DGKA: variants seen among roughly 807,000 people sequenced by gnomAD.
DGKA encodes the protein 80 kDa diacylglycerol kinase.
A neutral mutation model predicts 105.0 loss-of-function variants in DGKA; 35 were observed. The ratio of observed to expected loss-of-function variants is 0.33; its 90% CI spans 0.25 to 0.44. The LOEUF is 0.44. Ranked by LOEUF, DGKA falls within the 20% of genes least tolerant of loss-of-function variation. DGKA has a pLI of 1.00. For synonymous variants in DGKA, 296 were observed against 332.0 expected (o/e 0.89, Z 1.18); for missense variants, 665 against 915.0 (o/e 0.73, Z 3.53).
rs377430512 is a variant in DGKA, at chr12:55,951,835, A to G, written c.1587+52A>G. ...GGGAGAAAGGGGGGGCCAAGCAGTC[A>G]GAGGCTGGAGGAGAGCAGAAAAGGA... On this transcript the variant is annotated intron_variant, in intron 18 of 23. Transcript: ENST00000331886. 102 of 1,597,340 alleles carry G rather than the reference A, an allele frequency of 6.4e-5. No individual in the cohort carries two copies. The African/African-American group carries it at 1.3e-3, about 21-fold the overall frequency.
intron 2 of DGKA, 120 bp downstream of exon 2, chr12:55,936,687 ATGT>A: frequency 7.2e-7 from 1 of 1,379,918 alleles, no homozygotes; most frequent in Non-Finnish European, 1.0e-6. Context: ...TGCTGCTCAG[ATGT>A]GCCCATGACT....
At chr12:55,953,283 A>G (rs1888530199) in intron 22 of DGKA, 67 bp from the exon 23 acceptor site, 1 of 1,612,444 alleles carries the variant, frequency 6.2e-7, no homozygotes, top group African/African-American at 1.3e-5. Flanking sequence ...CTCAAAGCCA[A>G]CCTAAGAAGC....
In DGKA at chr12:55,952,645, T is replaced by G. The variant is rs1437253389; in HGVS notation, c.1744-89T>G. On this transcript the variant is annotated intron_variant, in intron 20 of 23. Transcript: ENST00000331886. The surrounding 1 kb of genome is among the most constrained non-coding windows in gnomAD (Gnocchi z 5.1). ...AAATCCTGCCTTCTCCAGTTTGTCA[T>G]CTGGTGGAGGGAGCGATCACATCTA... is the stretch of plus-strand genomic sequence containing the variant. 5 of 1,468,008 alleles carry G rather than the reference T, an allele frequency of 3.4e-6. No homozygotes were observed. The highest frequency in any genetic ancestry group is 1.4e-5 in the African/African-American group (1 of 71,888). 90.9% of individuals were successfully genotyped at this position (1,468,008 alleles called of 1,614,324 possible).
chr12:55,941,633 A>G (rs770314413), intron 15 of DGKA, 49 bp downstream of exon 15: 8 of 1,573,152 alleles, frequency 5.1e-6, no homozygotes, highest in Non-Finnish European at 7.0e-6. Flanking sequence ...GGGTCTGTGT[A>G]TCTGTATATG....
In DGKA at chr12:55,932,509, TG is replaced by T. The variant is rs770683201; in HGVS notation, c.-82+1168del. 1.4e-6 allele frequency: 1 copy of T among 702,134 alleles called. No individual in the cohort carries two copies. The highest frequency in any genetic ancestry group is 1.5e-5 in the South Asian group (1 of 67,590). 43.5% of individuals were successfully genotyped at this position (702,134 alleles called of 1,614,324 possible). A position where few individuals can be genotyped will look rare whatever the true frequency, so the allele number is the denominator to read the frequency against. On this transcript the variant is annotated intron_variant, in intron 1 of 23. Coordinates refer to ENST00000331886, the MANE Select transcript of DGKA (RefSeq NM_001345.5). This position sits in a 1 kb window ranked among gnomAD's most constrained non-coding sequence, Gnocchi z 4.3. Reference sequence around the variant, plus strand: ...ACCCCATCCTCTCCCCACCTGTCACTGGGAAGTTTCTGAAAATACCTGAGTC... The same window carrying T: ...ACCCCATCCTCTCCCCACCTGTCACTGGAAGTTTCTGAAAATACCTGAGTC...
At chr12:55,949,524 T>A (rs1034144712) in intron 17 of DGKA, among the ~76,000 whole-genome samples, 15 of 152,212 alleles carry the variant, frequency 9.9e-5, no homozygotes, top group African/African-American at 3.6e-4. Context: ...TAAAATTGGA[T>A]AACATTTTGA....
chr12:55,938,629 C>T, intron 6 of DGKA, 69 bp downstream of exon 6: 3 of 1,610,946 alleles, frequency 1.9e-6, no homozygotes, highest in Non-Finnish European at 2.5e-6. Context: ...CCTGCCCCAA[C>T]TCTTCCAGGG....
chr12:55,951,830 C>A (rs1592748853), intron 18 of DGKA, 47 bp downstream of exon 18: 1 of 1,596,674 alleles, frequency 6.3e-7, no homozygotes, highest in Non-Finnish European at 8.5e-7. Flanking sequence ...GGGGGCCAAG[C>A]AGTCAGAGGC....
rs1415962023 is a variant in DGKA at position 55,932,646 on chromosome 12, C to T, written c.-82+1302C>T. On this transcript the variant is annotated intron_variant, in intron 1 of 23. Transcript: ENST00000331886. The surrounding 1 kb of genome is among the most constrained non-coding windows in gnomAD (Gnocchi z 4.3). ...CACAGACAAGCCCACATCCCCCAAC[C>T]ATGCCAGTATCGTAACTTCCTCCTA... 1.9e-5 allele frequency: 13 copies of T among 701,226 alleles called. No individual in the cohort carries two copies. Among genetic ancestry groups the T allele is most frequent in the Non-Finnish European group, 3.4e-5 (13 of 384,198 alleles). 43.4% of individuals were successfully genotyped at this position (701,226 alleles called of 1,614,324 possible).
Position 55,940,193 on chromosome 12 carries a change from C to A in DGKA, c.798+23C>A. On this transcript the variant is annotated intron_variant, in intron 10 of 23. Coordinates refer to ENST00000331886, the MANE Select transcript of DGKA (RefSeq NM_001345.5). This position sits in a 1 kb window ranked among gnomAD's most constrained non-coding sequence, Gnocchi z 4.3. Reference sequence around the variant, plus strand: ...GGTGTGAGTGATCTCATGCCTCCACCCCCAACATCACCTACATCCTGGCCC... The same window carrying A: ...GGTGTGAGTGATCTCATGCCTCCACACCCAACATCACCTACATCCTGGCCC... 6.2e-7 allele frequency: 1 copy of A among 1,613,738 alleles called. No homozygotes were observed. The highest frequency in any genetic ancestry group is 8.5e-7 in the Non-Finnish European group (1 of 1,179,600).
chr12:55,938,392 G>A, intron 5 of DGKA, 119 bp from the exon 6 acceptor site: 1 of 1,294,296 alleles, frequency 7.7e-7, no homozygotes, highest in Non-Finnish European at 1.1e-6. Flanking sequence ...TCCCATCCCA[G>A]GCTCTAGGCT....
In DGKA at chr12:55,940,593, G is replaced by C. The variant is rs904200078; in HGVS notation, c.919-31G>C. On this transcript the variant is annotated intron_variant, in intron 11 of 23. Transcript: ENST00000331886. This position sits in a 1 kb window ranked among gnomAD's most constrained non-coding sequence, Gnocchi z 4.3. Reference sequence around the variant, plus strand: ...GTTGAGAGGAGACAGGGTTACCTTCGTGATCTCTCTGTGCCCACCTCGTCT... The same window carrying C: ...GTTGAGAGGAGACAGGGTTACCTTCCTGATCTCTCTGTGCCCACCTCGTCT... The C allele has an allele frequency of 1.3e-6, 2 of 1,559,140 alleles. No individual in the cohort carries two copies. Among genetic ancestry groups the C allele is most frequent in the Non-Finnish European group, 1.7e-6 (2 of 1,154,454 alleles).
In DGKA at chr12:55,941,258, C is replaced by T. The variant is rs769495164; in HGVS notation, c.1108C>T (p.Pro370Ser). 18 of 1,612,938 alleles carry T rather than the reference C, an allele frequency of 1.1e-5. No homozygotes were observed. The African/African-American group carries it at 1.3e-4, about 12-fold the overall frequency. The change falls in exon 14 of 24, where the codon CCT (proline) becomes TCT (serine). Residue 370 changes from proline (P) to serine (S), a missense_variant. By Grantham distance (74) the Pro-to-Ser change is moderately conservative (BLOSUM62 -1). Transcript: ENST00000331886. ...LSTSEALRIDPVPNTHPLLVF... is the reference protein window; with the variant it reads ...LSTSEALRIDSVPNTHPLLVF... ...TTTTCTTCCCCCAATGCAGATTGAC[C>T]CTGTTCCTAACACCCACCCACTTCT... is the stretch of plus-strand genomic sequence containing the variant.
Position 55,936,411 on chromosome 12 carries a change from A to C in DGKA, c.-81-12A>C. 1 of 1,532,852 alleles carries C rather than the reference A, an allele frequency of 6.5e-7. No individual in the cohort carries two copies. The highest frequency in any genetic ancestry group is 1.4e-5 in the African/African-American group (1 of 72,674). 95.0% of individuals were successfully genotyped at this position (1,532,852 alleles called of 1,614,324 possible). A position where few individuals can be genotyped will look rare whatever the true frequency, so the allele number is the denominator to read the frequency against. On this transcript the variant is annotated splice_polypyrimidine_tract_variant and intron_variant, in intron 1 of 23. Transcript: ENST00000331886. Reference sequence around the variant, plus strand: ...GGCTCTTCCCACTGTACGCTCTGTCACCTTTCCCCAGGCCTACCCTCTGAA... The same window carrying C: ...GGCTCTTCCCACTGTACGCTCTGTCCCCTTTCCCCAGGCCTACCCTCTGAA...
intron 4 of DGKA, 94 bp from the exon 5 acceptor site, chr12:55,937,884 T>C (rs1885080762): frequency 2.6e-6 from 3 of 1,172,688 alleles, no homozygotes; most frequent in Non-Finnish European, 3.7e-6. Flanking sequence ...GTAAATCTTT[T>C]TTTTAAAAAA....
At chr12:55,948,802 T>G (rs1887573340) in intron 17 of DGKA, among the ~76,000 whole-genome samples, 1 of 151,214 alleles carries the variant, frequency 6.6e-6, no homozygotes, top group African/African-American at 2.4e-5. Context: ...GGTGGGTGGA[T>G]CACGAGGTCA....
intron 22 of DGKA, 95 bp downstream of exon 22, chr12:55,953,255 C>T (rs1592757031): frequency 6.2e-7 from 1 of 1,609,838 alleles, no homozygotes; most frequent in South Asian, 1.1e-5. Context: ...TACTAGATCT[C>T]CCTCAATGAC....
At chr12:55,938,597 T>C (rs202099141) in intron 6 of DGKA, 37 bp downstream of exon 6, 9 of 1,613,690 alleles carry the variant, frequency 5.6e-6, no homozygotes, top group Admixed American at 1.7e-5. Flanking sequence ...CAAGGGAATA[T>C]GTGTTAATTT....
intron 5 of DGKA, 181 bp downstream of exon 5, chr12:55,938,233 C>A: frequency 1.5e-6 from 1 of 677,544 alleles, no homozygotes; most frequent in Non-Finnish European, 2.5e-6. Flanking sequence ...TACCCTTCAC[C>A]ATAGTCACCC....
Sources: gnomAD v4.1 joint callset for allele counts (sites outside exome capture counted in the v4.1 genomes callset) on GRCh38, gnomAD v4.1.1 for gene constraint, Gnocchi (gnomAD v3.1) non-coding constraint, MANE v1.5 for transcripts, NCBI Gene and HGNC (gene_info 2026-07-23, HGNC 2026-07-21) for gene names.